ACAD11: variants seen among roughly 807,000 people sequenced by gnomAD.
ACAD11 encodes the protein acyl-Coenzyme A dehydrogenase family, member 11.
Under a neutral mutation model 102.2 loss-of-function variants are expected in ACAD11, and 83 were observed. That is an observed-to-expected ratio of 0.81 (90% CI 0.68 to 0.97). The LOEUF is 0.97. ACAD11 is among the 50% of genes least tolerant of loss of function. ACAD11 has a pLI of 0.00. For missense variants in ACAD11, 901 were observed against 951.7 expected (o/e 0.95, Z 0.70); for synonymous variants, 324 against 319.8 (o/e 1.01, Z -0.14).
chr3:132,623,059 T>C (rs986595575), intron 9 of ACAD11, among the ~76,000 whole-genome samples: 2 of 152,194 alleles, frequency 1.3e-5, no homozygotes, highest in African/African-American at 4.8e-5. Context: ...TAAACTGGCT[T>C]TTAATATTTT....
chr3:132,569,199 G>T (rs1205218218), intron 17 of ACAD11, among the ~76,000 whole-genome samples: 2 of 152,074 alleles, frequency 1.3e-5, no homozygotes, highest in African/African-American at 4.8e-5. Flanking sequence ...GAACCAAAGA[G>T]GACATAAGAT....
At chr3:132,643,797 T>C (rs555137906) in intron 2 of ACAD11, among the ~76,000 whole-genome samples, 1 of 152,138 alleles carries the variant, frequency 6.6e-6, no homozygotes, top group East Asian at 1.9e-4. Context: ...AGCTGGAGCA[T>C]TGCTTTTTTC....
intron 17 of ACAD11, among the ~76,000 whole-genome samples, chr3:132,565,186 C>A (rs911723984): frequency 3.3e-5 from 5 of 152,180 alleles, no homozygotes; most frequent in Admixed American, 6.6e-5. Flanking sequence ...TAGGCTTCCA[C>A]CCTGGCAAGC....
intron 9 of ACAD11, among the ~76,000 whole-genome samples, chr3:132,622,514 T>C (rs1939647269): frequency 6.6e-6 from 1 of 152,216 alleles, no homozygotes; most frequent in African/African-American, 2.4e-5. Context: ...TGACCACAGT[T>C]TGAAGAAATT....
chr3:132,600,324 T>C, intron 13 of ACAD11: 1 of 1,351,366 alleles, frequency 7.4e-7, no homozygotes, highest in Non-Finnish European at 1.0e-6. Flanking sequence ...AACAGCTTGA[T>C]AAAAACTGTT....
Position 132,575,857 on chromosome 3 carries a change from G to A in ACAD11, c.1916C>T (p.Thr639Ile), listed in dbSNP as rs1159738204. The A allele has an allele frequency of 1.2e-6, 2 of 1,613,872 alleles. No homozygotes were observed. The highest frequency in any genetic ancestry group is 1.1e-5 in the South Asian group (1 of 91,084). Residue 639 changes from threonine to isoleucine, a missense_variant, in exon 17 of 20, where the codon ACA becomes ATA. Thr to Ile is a moderately conservative substitution (Grantham distance 89). Transcript: ENST00000264990. ...GPGRIHHCMRTVGLAERALQI... is the reference protein window; with the variant it reads ...GPGRIHHCMRIVGLAERALQI... ...CAAAGCGCGTTCCGCCAAACCTACT[G>A]TTCTCATACAGTGGTGGATTCTGCC...
chr3:132,626,443 T>C (rs1322714597), intron 9 of ACAD11, among the ~76,000 whole-genome samples: 3 of 152,038 alleles, frequency 2.0e-5, no homozygotes, highest in Admixed American at 1.3e-4. Flanking sequence ...CCCAAAGTAG[T>C]GTTTTACTCT....
At chr3:132,613,065 T>C (rs1454051898) in intron 11 of ACAD11, among the ~76,000 whole-genome samples, 5 of 152,046 alleles carry the variant, frequency 3.3e-5, no homozygotes, top group African/African-American at 4.8e-5. Flanking sequence ...AATGAGTTCA[T>C]GTCCTTTGTA....
At chr3:132,567,729 G>A (rs994202344) in intron 17 of ACAD11, among the ~76,000 whole-genome samples, 1 of 151,788 alleles carries the variant, frequency 6.6e-6, no homozygotes, top group Non-Finnish European at 1.5e-5. Flanking sequence ...GGCCAGGTAT[G>A]GTGGCATCCA....
intron 13 of ACAD11, among the ~76,000 whole-genome samples, chr3:132,584,558 C>T (rs1245001853): frequency 1.3e-5 from 2 of 152,142 alleles, no homozygotes; most frequent in Admixed American, 6.5e-5. Flanking sequence ...AGCCCATTTA[C>T]ATTTAAGGTT....
intron 17 of ACAD11, among the ~76,000 whole-genome samples, chr3:132,572,644 T>C (rs879216748): frequency 2.6e-4 from 40 of 152,258 alleles, no homozygotes; most frequent in Non-Finnish European, 2.5e-4. Flanking sequence ...CTTCAAACTA[T>C]ACTACAAGGC....
chr3:132,634,284 A>C (rs1250775678), intron 5 of ACAD11, among the ~76,000 whole-genome samples: 1 of 152,268 alleles, frequency 6.6e-6, no homozygotes, highest in East Asian at 1.9e-4. Flanking sequence ...ACATTTATGC[A>C]GCCAAAAGAC....
At chr3:132,629,901 T>C (rs916363997) in intron 7 of ACAD11, among the ~76,000 whole-genome samples, 1 of 152,078 alleles carries the variant, frequency 6.6e-6, no homozygotes, top group African/African-American at 2.4e-5. Flanking sequence ...AAAAAAACCC[T>C]AAATTTATGC....
At chr3:132,587,330 C>T (rs541239866) in intron 13 of ACAD11, among the ~76,000 whole-genome samples, 1 of 152,236 alleles carries the variant, frequency 6.6e-6, no homozygotes, top group South Asian at 2.1e-4. Flanking sequence ...ATCTTTTCTT[C>T]ATATTGGGTA....
chr3:132,639,812 C>G (rs1453179723), intron 4 of ACAD11, among the ~76,000 whole-genome samples, 156 bp from the exon 5 acceptor site: 2 of 152,100 alleles, frequency 1.3e-5, no homozygotes, highest in Non-Finnish European at 2.9e-5. Flanking sequence ...CTCAAATCAG[C>G]CTAAACCTTA....
intron 13 of ACAD11, among the ~76,000 whole-genome samples, chr3:132,595,740 A>G (rs1279618874): frequency 2.6e-5 from 4 of 152,200 alleles, no homozygotes; most frequent in African/African-American, 9.7e-5. Context: ...CAAAATCACA[A>G]TGAGATACCA....
chr3:132,571,545 T>C (rs1460079900), intron 17 of ACAD11, among the ~76,000 whole-genome samples: 1 of 152,182 alleles, frequency 6.6e-6, no homozygotes, highest in East Asian at 1.9e-4. Context: ...TTGTAATGGC[T>C]TTTGGCATCT....
chr3:132,601,849 T>C (rs1161293899), intron 13 of ACAD11: 1 of 300,740 alleles, frequency 3.3e-6, no homozygotes, highest in African/African-American at 2.3e-5. Context: ...ATAGTATAAT[T>C]ATGTAAGATG....
intron 11 of ACAD11, among the ~76,000 whole-genome samples, chr3:132,613,590 A>G (rs1002312746): frequency 4.6e-5 from 7 of 151,988 alleles, no homozygotes; most frequent in African/African-American, 1.7e-4. Context: ...AGATGACATG[A>G]TAGTATATTT....
Sources: allele counts gnomAD v4.1 joint callset (sites outside exome capture counted in the v4.1 genomes callset), GRCh38; gene constraint gnomAD v4.1.1; transcripts MANE v1.5; gene names NCBI Gene and HGNC (gene_info 2026-07-23, HGNC 2026-07-21).